The following ENOX1 variants were observed in gnomAD, a reference collection of about 807,000 sequenced individuals.
The protein encoded by ENOX1 is candidate growth-related and time keeping constitutive hydroquinone (NADH) oxidase.
In ENOX1, 42 loss-of-function variants were observed where a neutral mutation model predicts 82.5. The ratio of observed to expected loss-of-function variants is 0.51; its 90% CI spans 0.40 to 0.66. ENOX1 has a LOEUF of 0.66. Among genes scored for constraint, ENOX1 ranks in the 30% least tolerant of loss-of-function variants. The pLI, the probability that ENOX1 is intolerant of heterozygous loss-of-function variation, is 0.00. For missense variants in ENOX1, 608 were observed against 811.6 expected (o/e 0.75, Z 3.05); for synonymous variants, 271 against 282.2 (o/e 0.96, Z 0.40).
chr13:43,730,153 T>C (rs924727269), intron 1 of ENOX1, among the ~76,000 whole-genome samples: 1 of 152,228 alleles, frequency 6.6e-6, no homozygotes, highest in Non-Finnish European at 1.5e-5. Context: ...CATATGTTAA[T>C]GACTCCTAAA....
chr13:43,431,623 TTAG>T (rs2055669663), intron 3 of ENOX1, among the ~76,000 whole-genome samples: 3 of 152,212 alleles, frequency 2.0e-5, no homozygotes, highest in Admixed American at 6.5e-5. Context: ...TGCCTAGTAC[TTAG>T]TAGACACACA....
At chr13:43,406,663 T>C (rs926033625) in intron 5 of ENOX1, among the ~76,000 whole-genome samples, 2 of 151,910 alleles carry the variant, frequency 1.3e-5, no homozygotes, top group Admixed American at 1.3e-4. Flanking sequence ...CTGCTAATTT[T>C]TTTGTATTTT....
intron 1 of ENOX1, among the ~76,000 whole-genome samples, chr13:43,673,881 T>C (rs2085382084): frequency 6.6e-6 from 1 of 152,204 alleles, no homozygotes; most frequent in African/African-American, 2.4e-5. Flanking sequence ...TTTTCTGCAA[T>C]TTTCCCTTAA....
chr13:43,335,768 C>CAAAAAAAA (rs386378967), intron 9 of ENOX1, among the ~76,000 whole-genome samples: 1 of 116,908 alleles, frequency 8.6e-6, no homozygotes, highest in Admixed American at 8.5e-5. Context: ...GGAAGGATAC[C>CAAAAAAAA]AAAAAAAAAA....
chr13:43,373,909 T>C, intron 5 of ENOX1, among the ~76,000 whole-genome samples: 1 of 152,244 alleles, frequency 6.6e-6, no homozygotes, highest in East Asian at 1.9e-4. Flanking sequence ...CTTAATGACT[T>C]GTTTGGATAA....
chr13:43,244,882 C>A (rs565249373), intron 14 of ENOX1, among the ~76,000 whole-genome samples: 1 of 152,328 alleles, frequency 6.6e-6, no homozygotes, highest in South Asian at 2.1e-4. Flanking sequence ...ATAGGCCCTA[C>A]TCTTAAACAT....
chr13:43,352,465 T>C (rs999623185), intron 8 of ENOX1, among the ~76,000 whole-genome samples: 3 of 152,212 alleles, frequency 2.0e-5, no homozygotes, highest in African/African-American at 7.2e-5. Context: ...CAGGGGTGGA[T>C]GGTCTGTGTT....
At chr13:43,757,901 C>T (rs1950743212) in intron 1 of ENOX1, among the ~76,000 whole-genome samples, 1 of 152,000 alleles carries the variant, frequency 6.6e-6, no homozygotes, top group Non-Finnish European at 1.5e-5. Context: ...ACTTTATTCA[C>T]AGTAGTCAAA....
In ENOX1 at chr13:43,330,232, C is replaced by A. The variant is rs111310677; in HGVS notation, c.1037-3707G>T. 1.8e-3 allele frequency among the ~76,000 whole-genome samples: 281 copies of A among 152,288 alleles called. 1 individual carries two copies. Among genetic ancestry groups the A allele is most frequent in the African/African-American group, 6.4e-3 (264 of 41,568 alleles). On this transcript the variant is annotated intron_variant, in intron 9 of 16. Coordinates refer to ENST00000690772, the MANE Select transcript of ENOX1 (RefSeq NM_001347969.2). Reference sequence around the variant, plus strand: ...GCTTCTCAGAGAAAGATATAACCAGCAAACAAGATGGCATTGGCATTTGTT... The same window carrying A: ...GCTTCTCAGAGAAAGATATAACCAGAAAACAAGATGGCATTGGCATTTGTT...
chr13:43,411,880 TG>T (rs2054149580), intron 5 of ENOX1, 35 bp downstream of exon 5: 11 of 1,613,032 alleles, frequency 6.8e-6, no homozygotes, highest in Non-Finnish European at 7.6e-6. Context: ...CCTTCGGCAC[TG>T]CTGCAAGCAT....
intron 3 of ENOX1, among the ~76,000 whole-genome samples, chr13:43,438,576 C>G (rs1362795062): frequency 6.6e-6 from 1 of 152,150 alleles, no homozygotes; most frequent in Non-Finnish European, 1.5e-5. Context: ...AAGTTTTCCA[C>G]AGAGCAATCA....
chr13:43,638,142 C>A (rs1301093754), intron 2 of ENOX1, among the ~76,000 whole-genome samples: 2 of 152,192 alleles, frequency 1.3e-5, no homozygotes, highest in East Asian at 3.9e-4. Flanking sequence ...ATTTACCCAT[C>A]TTTCTGGATG....
Position 43,412,026 on chromosome 13 carries a change from A to G in ENOX1, c.98T>C (p.Ile33Thr). ...GGACATGTTGAGCTGGGTCGTGTCTATCGCTATACTCCCCAAACCATCGGC... is the reference window on the plus strand; with the variant it reads ...GGACATGTTGAGCTGGGTCGTGTCTGTCGCTATACTCCCCAAACCATCGGC... ...AAADGLGSIAIDTTQLNMSVT... is the reference protein window; with the variant it reads ...AAADGLGSIATDTTQLNMSVT... Residue 33 changes from isoleucine (I) to threonine (T), a missense_variant, in exon 5 of 17, where the codon ATA (isoleucine) becomes ACA (threonine). By Grantham distance (89) the Ile-to-Thr change is moderately conservative. Coordinates refer to ENST00000690772, the MANE Select transcript of ENOX1 (RefSeq NM_001347969.2). 3 of 1,614,144 alleles carry G rather than the reference A, an allele frequency of 1.9e-6. No individual in the cohort carries two copies. The highest frequency in any genetic ancestry group is 2.5e-6 in the Non-Finnish European group (3 of 1,180,016).
chr13:43,329,716 AAT>A (rs1028979671), intron 9 of ENOX1, among the ~76,000 whole-genome samples: 2 of 152,138 alleles, frequency 1.3e-5, no homozygotes, highest in Non-Finnish European at 2.9e-5. Flanking sequence ...TCCCTATACC[AAT>A]CAAAAAGCAA....
intron 1 of ENOX1, among the ~76,000 whole-genome samples, chr13:43,680,228 A>G (rs2085715175): frequency 6.6e-6 from 1 of 152,216 alleles, no homozygotes; most frequent in Non-Finnish European, 1.5e-5. Flanking sequence ...TAAAACTAAA[A>G]CTTCTAAATT....
At chr13:43,573,415 T>C (rs901894296) in intron 2 of ENOX1, among the ~76,000 whole-genome samples, 5 of 152,164 alleles carry the variant, frequency 3.3e-5, no homozygotes, top group Non-Finnish European at 7.3e-5. Context: ...ACCATGGAAA[T>C]AGTGTTTTAT....
At chr13:43,640,897 T>A (rs2083613141) in intron 2 of ENOX1, among the ~76,000 whole-genome samples, 2 of 89,196 alleles carry the variant, frequency 2.2e-5, no homozygotes, top group Non-Finnish European at 4.3e-5. Context: ...CACACACACG[T>A]ACACACACAC....
chr13:43,512,620 T>G lies in ENOX1; in HGVS notation c.-218-28468A>C, dbSNP rs1289075947. ...GCTTCCAAAACCAATGTGTGTGGGT[T>G]TTTTTTTTTTTTTTTTCCCATTTTG... is the stretch of plus-strand genomic sequence containing the variant. On this transcript the variant is annotated intron_variant, in intron 2 of 16. Coordinates refer to ENST00000690772, the MANE Select transcript of ENOX1 (RefSeq NM_001347969.2). Among the ~76,000 whole-genome samples, 43 of 52,108 alleles carry G rather than the reference T, an allele frequency of 8.3e-4. No homozygotes were observed. The East Asian group carries it at 0.11, about 133-fold the overall frequency. The allele number at this position is 52,108 out of a possible 152,430, so 34.2% of individuals were successfully genotyped here.
rs1474019952 is a variant in ENOX1, at chr13:43,786,194, G to A, written c.-285+458C>T. On this transcript the variant is annotated intron_variant, in intron 1 of 16. Transcript: ENST00000690772. The surrounding 1 kb of genome is among the most constrained non-coding windows in gnomAD (Gnocchi z 6.0). Reference sequence around the variant, plus strand: ...CTGGAGGAAAAGGGATGCAGAGCGGGAGGGTGAAAACCTGAAAGAAGAGGG... The same window carrying A: ...CTGGAGGAAAAGGGATGCAGAGCGGAAGGGTGAAAACCTGAAAGAAGAGGG... Among the ~76,000 whole-genome samples, 1 of 152,192 alleles carries A rather than the reference G, an allele frequency of 6.6e-6. No homozygotes were observed. Among genetic ancestry groups the A allele is most frequent in the East Asian group, 1.9e-4 (1 of 5,180 alleles).
Sources: gnomAD v4.1 joint callset for allele counts (sites outside exome capture counted in the v4.1 genomes callset) on GRCh38, gnomAD v4.1.1 for gene constraint, Gnocchi (gnomAD v3.1) non-coding constraint, MANE v1.5 for transcripts, NCBI Gene and HGNC (gene_info 2026-07-23, HGNC 2026-07-21) for gene names.